MIA: variants seen among roughly 807,000 people sequenced by gnomAD.
MIA encodes melanoma-derived growth regulatory protein.
MIA carries 18 observed loss-of-function variants against 18.5 expected under a neutral mutation model. That is an observed-to-expected ratio of 0.97 (90% CI 0.67 to 1.44). The LOEUF (loss-of-function observed/expected upper bound fraction) is 1.44, where lower values mean the gene tolerates loss of function less well. MIA is among the 40% of genes most tolerant of loss of function. The pLI, the probability that MIA is intolerant of heterozygous loss-of-function variation, is 0.00. For missense variants in MIA, 158 were observed against 172.4 expected, an observed-to-expected ratio of 0.92 and a Z score of 0.47; for synonymous variants, 55 against 64.9, an observed-to-expected ratio of 0.85 and a Z score of 0.74.
At position 40,775,878 on chromosome 19, in the gene MIA, G is replaced by C. The variant is rs371870072; in HGVS notation, c.254G>C (p.Gly85Ala). 4 of 1,614,100 alleles carry C rather than the reference G, an allele frequency of 2.5e-6. No homozygotes were observed. Among genetic ancestry groups the C allele is most frequent in the Non-Finnish European group, 8.5e-7 (1 of 1,180,010 alleles). Reference protein sequence around the residue: ...KLKGRGRLFWGGSVQGDYYGD... With the variant: ...KLKGRGRLFWAGSVQGDYYGD... ...AAGGGCCGTGGGCGGCTCTTCTGGG[G>C]AGGCAGCGTGAGTCTTGGGAGAGTG... is the stretch of plus-strand genomic sequence containing the variant. Residue 85 changes from glycine (G) to alanine (A), a missense_variant, in exon 2 of 4, where the codon GGA (glycine) becomes GCA (alanine). By Grantham distance (60) the Gly-to-Ala change is moderately conservative. Coordinates refer to ENST00000263369, the MANE Select transcript of MIA (RefSeq NM_006533.4).
chr19:40,775,825 C>T lies in MIA; in HGVS notation c.201C>T (p.Gly67=). ...PDCRFLTIHR[G]QVVYVFSKLK... is the part of the protein sequence containing the mutation. ...GCCGATTCCTGACCATTCACCGGGGCCAAGTGGTGTATGTCTTCTCCAAGC... is the reference window on the plus strand; with the variant it reads ...GCCGATTCCTGACCATTCACCGGGGTCAAGTGGTGTATGTCTTCTCCAAGC... Residue 67 remains glycine (G), a synonymous_variant, in exon 2 of 4, where the codon GGC becomes GGT. Coordinates refer to ENST00000263369, the MANE Select transcript of MIA (RefSeq NM_006533.4). The T allele has an allele frequency of 6.2e-7, 1 of 1,613,986 alleles. No homozygotes were observed. The highest frequency in any genetic ancestry group is 1.1e-5 in the South Asian group (1 of 91,064).
intron 2 of MIA, among the ~76,000 whole-genome samples, chr19:40,776,488 GTAATC>G: frequency 6.6e-6 from 1 of 152,066 alleles, no homozygotes; most frequent in Non-Finnish European, 1.5e-5. Flanking sequence ...GCTCACACCT[GTAATC>G]CCAAGTAAGG....
chr19:40,775,277 AT>A (rs1469096314), upstream of MIA: 21 of 492,822 alleles, frequency 4.3e-5, no homozygotes, highest in Non-Finnish European at 7.3e-5. Flanking sequence ...GGCCTCTGTG[AT>A]TGTTGAGGAG....
chr19:40,776,944 CT>C, intron 2 of MIA, 24 bp from the exon 3 acceptor site: 1 of 1,573,546 alleles, frequency 6.4e-7, no homozygotes, highest in African/African-American at 1.3e-5. Context: ...TTCCCAGACC[CT>C]AGCTTTTAAC....
At chr19:40,777,307 C>T (rs552116087) in intron 3 of MIA, 90 bp from the exon 4 acceptor site, 3 of 1,483,106 alleles carry the variant, frequency 2.0e-6, no homozygotes, top group East Asian at 2.3e-5. Context: ...AGACCTGGGC[C>T]CTGCAGCTGC....
chr19:40,776,578 A>G (rs777810637), intron 2 of MIA, among the ~76,000 whole-genome samples: 33 of 151,380 alleles, frequency 2.2e-4, no homozygotes, highest in Non-Finnish European at 4.3e-4. Flanking sequence ...CCATCTCTAT[A>G]AAAAAAAATT....
chr19:40,776,949 T>G lies in MIA; in HGVS notation c.262-20T>G. 6.3e-7 allele frequency: 1 copy of G among 1,589,780 alleles called. No homozygotes were observed. ...GCTTGCCATCTTCCCAGACCCTAGC[T>G]TTTAACTCCTCTTCCCCAGGTTCAG... On this transcript the variant is annotated intron_variant, in intron 2 of 3. Coordinates refer to ENST00000263369, the MANE Select transcript of MIA (RefSeq NM_006533.4).
chr19:40,777,128 T>C (rs1446730780), intron 3 of MIA, 49 bp downstream of exon 3: 2 of 1,533,000 alleles, frequency 1.3e-6, no homozygotes, highest in African/African-American at 2.7e-5. Flanking sequence ...GACCCTTAGG[T>C]TGTGGGGATG....
chr19:40,775,435 C>A (rs145943002), upstream of MIA: 2 of 1,548,684 alleles, frequency 1.3e-6, no homozygotes, highest in Non-Finnish European at 1.8e-6. Context: ...TGGTTTAGGG[C>A]GGGGACAAGA....
chr19:40,777,402 G>A lies in MIA; in HGVS notation c.378G>A (p.Trp126Ter), dbSNP rs1007837441. Residue 126 changes from tryptophan to a stop codon, truncating the protein, a stop_gained, in exon 4 of 4, where the codon TGG (tryptophan) becomes TGA (stop). Coordinates refer to ENST00000263369, the MANE Select transcript of MIA (RefSeq NM_006533.4). LOFTEE classifies it high-confidence loss of function. The stretch of plus-strand genomic sequence containing the variant: ...TTCCCCTTTCTCTTTTTCAGAAATG[G>A]GATTTCTACTGCCAGTGAGCTCAGC... The part of the protein sequence containing the change: ...PGKVDVKTDK[W>*]DFYCQ 5.6e-6 allele frequency: 9 copies of A among 1,613,918 alleles called. No homozygotes were observed. Among genetic ancestry groups the A allele is most frequent in the Non-Finnish European group, 7.6e-6 (9 of 1,179,966 alleles).
At chr19:40,775,514 C>T, upstream of MIA, 1 of 1,613,546 alleles carries the variant, frequency 6.2e-7, no homozygotes, top group Non-Finnish European at 8.5e-7. Flanking sequence ...CCAGCACCCC[C>T]TTGCTCACTC....
upstream of MIA, chr19:40,775,377 G>A: frequency 3.7e-6 from 4 of 1,078,192 alleles, no homozygotes; most frequent in Non-Finnish European, 5.4e-6. Flanking sequence ...CCTTGAAATG[G>A]TTCTGGTTTC....
At chr19:40,776,557 T>C (rs181286510) in intron 2 of MIA, among the ~76,000 whole-genome samples, 1 of 151,834 alleles carries the variant, frequency 6.6e-6, no homozygotes, top group African/African-American at 2.4e-5. Flanking sequence ...CTGGGCAACA[T>C]AGCAAGACCC....
At position 40,775,561 on chromosome 19, in the gene MIA, T is replaced by C. The variant is rs199961627; in HGVS notation, c.19T>C (p.Cys7Arg). 1 of 1,614,188 alleles carries C rather than the reference T, an allele frequency of 6.2e-7. No individual in the cohort carries two copies. Among genetic ancestry groups the C allele is most frequent in the East Asian group, 2.2e-5 (1 of 44,884 alleles). ...GTCCACGATGGCCCGGTCCCTGGTGTGCCTTGGTGTCATCATCTTGCTGTC... is the reference window on the plus strand; with the variant it reads ...GTCCACGATGGCCCGGTCCCTGGTGCGCCTTGGTGTCATCATCTTGCTGTC... MARSLV[C>R]LGVIILLSAF... The change falls in exon 1 of 4, where the codon TGC becomes CGC. Residue 7 changes from cysteine to arginine, a missense_variant. By Grantham distance (180) the Cys-to-Arg change is radical. Coordinates refer to ENST00000263369, the MANE Select transcript of MIA (RefSeq NM_006533.4).
chr19:40,775,695 G>A (rs1428820188), intron 1 of MIA, 26 bp downstream of exon 1: 2 of 1,614,018 alleles, frequency 1.2e-6, no homozygotes, highest in African/African-American at 2.7e-5. Context: ...GGAGAATTGG[G>A]GGCTTGGGCG....
rs2083002370 is a variant in MIA, at chr19:40,777,079, C to T, written c.372C>T (p.Asp124=). 1.2e-6 allele frequency: 2 copies of T among 1,610,304 alleles called. No homozygotes were observed. Among genetic ancestry groups the T allele is most frequent in the South Asian group, 1.1e-5 (1 of 90,742 alleles). ...LKPGKVDVKT[D]KWDFYCQ ...CTGGCAAAGTCGATGTGAAGACAGA[C>T]GTGAGTGTCATGGGGGCTGGCAAGA... The change falls in exon 3 of 4, where the codon GAC becomes GAT. Residue 124 remains aspartate, a splice_region_variant and synonymous_variant. Transcript: ENST00000263369.
At chr19:40,776,198 T>C (rs1171773450) in intron 2 of MIA, among the ~76,000 whole-genome samples, 1 of 152,040 alleles carries the variant, frequency 6.6e-6, no homozygotes, top group African/African-American at 2.4e-5. Context: ...GGCTAATTTT[T>C]GTATTTTTAG....
chr19:40,775,382 G>A (rs1308159838), upstream of MIA: 2 of 1,109,778 alleles, frequency 1.8e-6, no homozygotes, highest in Admixed American at 2.1e-5. Context: ...AAATGGTTCT[G>A]GTTTCATAGC....
chr19:40,777,126 G>C (rs1157208950), intron 3 of MIA, 47 bp downstream of exon 3: 3 of 1,542,588 alleles, frequency 1.9e-6, no homozygotes, highest in Non-Finnish European at 2.7e-6. Flanking sequence ...AGGACCCTTA[G>C]GTTGTGGGGA....
Sources: allele counts gnomAD v4.1 joint callset (sites outside exome capture counted in the v4.1 genomes callset), GRCh38; gene constraint gnomAD v4.1.1; transcripts MANE v1.5; gene names NCBI Gene and HGNC (gene_info 2026-07-23, HGNC 2026-07-21).